The following SUGCT variants were observed in gnomAD, a reference collection of about 807,000 sequenced individuals.
The protein encoded by SUGCT is succinyl-CoA:glutarate CoA-transferase.
In SUGCT, 41 loss-of-function variants were observed where a neutral mutation model predicts 55.0. The observed-to-expected ratio is 0.74, with a 90% confidence interval of 0.58 to 0.97. The LOEUF (loss-of-function observed/expected upper bound fraction) is 0.97. Among genes scored for constraint, SUGCT ranks in the 50% least tolerant of loss-of-function variants. The probability of loss-of-function intolerance (pLI) is 0.00; values close to 1 mark genes in which losing one functional copy is unlikely to be tolerated. For missense variants in SUGCT, 568 were observed against 547.8 expected, an observed-to-expected ratio of 1.04 and a Z score of -0.37; for synonymous variants, 187 against 200.4, an observed-to-expected ratio of 0.93 and a Z score of 0.56.
chr7:40,311,768 A>G (rs1256664290), intron 8 of SUGCT, among the ~76,000 whole-genome samples: 1 of 152,188 alleles, frequency 6.6e-6, no homozygotes, highest in Non-Finnish European at 1.5e-5. Flanking sequence ...TATACTTAGT[A>G]CCTAGAGTAA....
intron 12 of SUGCT, among the ~76,000 whole-genome samples, chr7:40,635,150 G>A (rs1240497328): frequency 6.6e-6 from 1 of 152,096 alleles, no homozygotes; most frequent in Admixed American, 6.5e-5. Context: ...GCTGGGCATG[G>A]TGGCCAGTGC....
At chr7:40,862,023 GAA>G (rs1477116498), downstream of SUGCT, among the ~76,000 whole-genome samples, 1 of 152,202 alleles carries the variant, frequency 6.6e-6, no homozygotes, top group Non-Finnish European at 1.5e-5. Flanking sequence ...AGATGGCAGA[GAA>G]TTGGCAAAAC....
intron 8 of SUGCT, among the ~76,000 whole-genome samples, chr7:40,297,729 G>C (rs2151070764): frequency 6.6e-6 from 1 of 152,104 alleles, no homozygotes; most frequent in Middle Eastern, 3.4e-3. Flanking sequence ...TTTGGGTCTT[G>C]TTTTGTTTTG....
At chr7:40,900,720 C>G in the SUGCT span, among the ~76,000 whole-genome samples, 1 of 152,154 alleles carries the variant, frequency 6.6e-6, no homozygotes. Flanking sequence ...CACGAGGCAG[C>G]CTAGAAGCTG....
At chr7:40,515,017 T>C (rs1793157423) in intron 12 of SUGCT, among the ~76,000 whole-genome samples, 1 of 152,224 alleles carries the variant, frequency 6.6e-6, no homozygotes, top group Non-Finnish European at 1.5e-5. Context: ...TTACATCTTA[T>C]ATAATTATAG....
At chr7:40,788,579 A>G (rs1790152741) in intron 13 of SUGCT, among the ~76,000 whole-genome samples, 1 of 152,252 alleles carries the variant, frequency 6.6e-6, no homozygotes, top group African/African-American at 2.4e-5. Context: ...AATGGAAATG[A>G]TAGAACATGT....
chr7:40,490,276 C>T (rs926127912), intron 11 of SUGCT, among the ~76,000 whole-genome samples: 1 of 152,190 alleles, frequency 6.6e-6, no homozygotes, highest in East Asian at 1.9e-4. Flanking sequence ...GAATGCAGAG[C>T]AACCACCAGG....
intron 6 of SUGCT, among the ~76,000 whole-genome samples, chr7:40,218,496 G>A (rs755081361): frequency 2.0e-5 from 3 of 152,158 alleles, no homozygotes; most frequent in Non-Finnish European, 4.4e-5. Flanking sequence ...GGTCGGGTGA[G>A]GACTTGGAGA....
At chr7:40,211,212 G>A (rs1049659504) in intron 6 of SUGCT, among the ~76,000 whole-genome samples, 1 of 151,348 alleles carries the variant, frequency 6.6e-6, no homozygotes, top group East Asian at 2.0e-4. Flanking sequence ...TTATTGGTTG[G>A]TTGATTGATC....
chr7:40,228,783 A>G (rs949913187), intron 6 of SUGCT, among the ~76,000 whole-genome samples: 11 of 152,172 alleles, frequency 7.2e-5, no homozygotes, highest in African/African-American at 2.4e-4. Context: ...GGAGAGATGC[A>G]CATTCCCTTT....
chr7:40,325,435 A>C (rs1158865069), intron 9 of SUGCT, among the ~76,000 whole-genome samples: 1 of 152,164 alleles, frequency 6.6e-6, no homozygotes, highest in Non-Finnish European at 1.5e-5. Flanking sequence ...ACAGACATGT[A>C]CTATGTAGCT....
the SUGCT span, among the ~76,000 whole-genome samples, chr7:40,998,564 T>C: frequency 4.6e-5 from 7 of 152,214 alleles, no homozygotes. Context: ...AATTAGTATC[T>C]TTTCTGAGTG....
chr7:40,997,465 C>T, the SUGCT span, among the ~76,000 whole-genome samples: 1 of 152,122 alleles, frequency 6.6e-6, no homozygotes, highest in African/African-American at 2.4e-5. Flanking sequence ...ACATTCTAAG[C>T]TTTGATCACC....
At chr7:40,474,917 G>A (rs1006604546) in intron 11 of SUGCT, among the ~76,000 whole-genome samples, 2 of 152,162 alleles carry the variant, frequency 1.3e-5, no homozygotes, top group East Asian at 1.9e-4. Context: ...CTGGCACATG[G>A]CAAGCACTTG....
At chr7:40,499,430 G>A in intron 12 of SUGCT, 3 of 194,398 alleles carry the variant, frequency 1.5e-5, no homozygotes, top group Non-Finnish European at 2.2e-5. Context: ...CTCATGGATT[G>A]AGGTAACTTG....
intron 12 of SUGCT, among the ~76,000 whole-genome samples, chr7:40,572,930 G>A (rs1796533477): frequency 6.6e-6 from 1 of 152,186 alleles, no homozygotes; most frequent in Non-Finnish European, 1.5e-5. Flanking sequence ...GATTCATCTT[G>A]ACGTCATCTG....
chr7:40,848,232 C>T (rs181826521), intron 13 of SUGCT, among the ~76,000 whole-genome samples: 3 of 150,744 alleles, frequency 2.0e-5, no homozygotes, highest in Non-Finnish European at 4.4e-5. Context: ...TCTCTTCAAA[C>T]ATTCACCTTA....
Position 40,850,205 on chromosome 7 carries a change from G to A in SUGCT, c.1154-10111G>A, listed in dbSNP as rs1406700477. Among the ~76,000 whole-genome samples, 4 of 152,058 alleles carry A rather than the reference G, an allele frequency of 2.6e-5. No homozygotes were observed. The East Asian group carries it at 7.7e-4, about 29-fold the overall frequency. On this transcript the variant is annotated intron_variant, in intron 13 of 13. Coordinates refer to ENST00000335693, the MANE Select transcript of SUGCT (RefSeq NM_001193313.2). ...CTTTCTTTCACCAGAAAGCAGTGTGGTCCAGTGCCAAAGAGCTGGGATTCT... is the reference window on the plus strand; with the variant it reads ...CTTTCTTTCACCAGAAAGCAGTGTGATCCAGTGCCAAAGAGCTGGGATTCT...
intron 1 of SUGCT, among the ~76,000 whole-genome samples, chr7:40,164,040 G>T (rs145681969): frequency 4.6e-5 from 7 of 151,620 alleles, no homozygotes; most frequent in Admixed American, 2.0e-4. Flanking sequence ...GGATGGTCTC[G>T]AACTCCTGGC....
Sources: allele counts gnomAD v4.1 joint callset (sites outside exome capture counted in the v4.1 genomes callset), GRCh38; gene constraint gnomAD v4.1.1; transcripts MANE v1.5; gene names NCBI Gene and HGNC (gene_info 2026-07-23, HGNC 2026-07-21).